The following GOLGA1 variants were observed in gnomAD, a reference collection of about 807,000 sequenced individuals.
GOLGA1 encodes golgin A1.
Under a neutral mutation model 119.7 loss-of-function variants are expected in GOLGA1, and 63 were observed. The observed-to-expected ratio is 0.53, with a 90% confidence interval of 0.43 to 0.65. The LOEUF (loss-of-function observed/expected upper bound fraction) is 0.65, where lower values mean the gene tolerates loss of function less well. Ranked by LOEUF, GOLGA1 falls within the 30% of genes least tolerant of loss-of-function variation. The pLI, the probability that GOLGA1 is intolerant of heterozygous loss-of-function variation, is 0.00. For missense variants in GOLGA1, 798 were observed against 912.8 expected (o/e 0.87, Z 1.62); for synonymous variants, 318 against 333.4 (o/e 0.95, Z 0.50).
At chr9:124,903,919 C>T (rs924183169) in intron 12 of GOLGA1, among the ~76,000 whole-genome samples, 4 of 151,532 alleles carry the variant, frequency 2.6e-5, no homozygotes, top group African/African-American at 9.7e-5. Context: ...CGTGGTGGAG[C>T]GTGCCTGTAG....
At chr9:124,890,635 C>T (rs1489973384) in intron 15 of GOLGA1, among the ~76,000 whole-genome samples, 157 bp from the exon 16 acceptor site, 2 of 152,174 alleles carry the variant, frequency 1.3e-5, no homozygotes, top group Admixed American at 1.3e-4. Flanking sequence ...CCTGCCATGC[C>T]CTCAGTATCC....
chr9:124,900,404 G>A (rs749539334), intron 13 of GOLGA1, 48 bp downstream of exon 13: 1 of 952,764 alleles, frequency 1.0e-6, no homozygotes, highest in South Asian at 1.3e-5. Flanking sequence ...AAGGCCTGGA[G>A]AGAAAGCATT....
chr9:124,947,031 GC>G (rs1197122124), intron 1 of GOLGA1: 1 of 152,028 alleles, frequency 6.6e-6, no homozygotes, highest in Non-Finnish European at 1.5e-5. Flanking sequence ...CTTAGCTAAT[GC>G]CCCCTTTTCT....
intron 15 of GOLGA1, among the ~76,000 whole-genome samples, chr9:124,896,454 AAAAT>A (rs1321143107): frequency 6.6e-6 from 1 of 152,160 alleles, no homozygotes; most frequent in African/African-American, 2.4e-5. Context: ...CTCTATCTCT[AAAAT>A]AAATCCTGAT....
rs1829582478 is a variant in GOLGA1 at position 124,881,553 on chromosome 9, G to A, written c.2136+231C>T. ...CCTCTGGCCTCAGCACCCAGGCCAG[G>A]ATTTAGAAGTGGAGCCTATGTCTCC... is the stretch of plus-strand genomic sequence containing the variant. On this transcript the variant is annotated intron_variant, in intron 21 of 22. Transcript: ENST00000373555. This position sits in a 1 kb window ranked among gnomAD's most constrained non-coding sequence, Gnocchi z 4.9. 6.6e-6 allele frequency among the ~76,000 whole-genome samples: 1 copy of A among 152,190 alleles called. No homozygotes were observed. Among genetic ancestry groups the A allele is most frequent in the Admixed American group, 6.5e-5 (1 of 15,278 alleles).
At chr9:124,900,970 ATTT>A (rs1214606701) in intron 12 of GOLGA1, among the ~76,000 whole-genome samples, 4 of 136,736 alleles carry the variant, frequency 2.9e-5, no homozygotes, top group Non-Finnish European at 3.1e-5. Context: ...TTCACACAGT[ATTT>A]TTTTTTTTTT....
At chr9:124,923,454 A>C (rs559895263) in intron 7 of GOLGA1, among the ~76,000 whole-genome samples, 1 of 152,326 alleles carries the variant, frequency 6.6e-6, no homozygotes, top group South Asian at 2.1e-4. Flanking sequence ...GGAATTCTTA[A>C]TAAAGGAAAA....
Position 124,946,799 on chromosome 9 carries a change from A to G in GOLGA1, c.-156+1119T>C, listed in dbSNP as rs1276350902. 7 of 152,216 alleles carry G rather than the reference A, an allele frequency of 4.6e-5. No individual in the cohort carries two copies. Among genetic ancestry groups the G allele is most frequent in the Admixed American group, 4.6e-4 (7 of 15,282 alleles). 9.4% of individuals were successfully genotyped at this position (152,216 alleles called of 1,614,324 possible). ...AATATATCATCAACTTGCAGAACAC[A>G]AGTGGTCTCATAGAGACACAGCAAT... On this transcript the variant is annotated intron_variant, in intron 1 of 4. Coordinates refer to the GOLGA1 transcript ENST00000421514. This position sits in a 1 kb window ranked among gnomAD's most constrained non-coding sequence, Gnocchi z 4.0.
intron 20 of GOLGA1, among the ~76,000 whole-genome samples, chr9:124,882,228 T>A (rs1458994624): frequency 1.3e-5 from 2 of 151,972 alleles, no homozygotes; most frequent in Admixed American, 1.3e-4. Context: ...ACACACACAC[T>A]GTTAGAGCAT....
At chr9:124,925,508 G>A (rs1449405551) in intron 7 of GOLGA1, among the ~76,000 whole-genome samples, 2 of 151,814 alleles carry the variant, frequency 1.3e-5, no homozygotes, top group Non-Finnish European at 2.9e-5. Context: ...TTTGGTCTAG[G>A]AGTTCAAAAC....
chr9:124,916,904 G>GAAAAAAAAAAA (rs1830459942), intron 10 of GOLGA1, among the ~76,000 whole-genome samples: 1 of 99,756 alleles, frequency 1.0e-5, no homozygotes, highest in Non-Finnish European at 2.1e-5. Flanking sequence ...AAAAAAAAAC[G>GAAAAAAAAAAA]AAAACAAAAA....
At chr9:124,921,295 A>G (rs1322111284) in intron 9 of GOLGA1, 55 bp from the exon 10 acceptor site, 5 of 953,598 alleles carry the variant, frequency 5.2e-6, no homozygotes, top group Non-Finnish European at 8.5e-6. Flanking sequence ...TCTAATATAC[A>G]GTCTTCTGCA....
intron 2 of GOLGA1, among the ~76,000 whole-genome samples, chr9:124,939,830 G>A (rs1055554858): frequency 2.0e-5 from 3 of 152,042 alleles, no homozygotes; most frequent in Non-Finnish European, 2.9e-5. Context: ...CCAAAGTGCT[G>A]GGATTACAGG....
intron 6 of GOLGA1, among the ~76,000 whole-genome samples, chr9:124,927,133 G>A (rs902543594): frequency 8.5e-5 from 13 of 152,104 alleles, no homozygotes; most frequent in African/African-American, 3.1e-4. Context: ...TTCTGGAAAT[G>A]ATGTTTAGAA....
chr9:124,941,472 C>T (rs1407527222), upstream of GOLGA1, among the ~76,000 whole-genome samples: 1 of 152,202 alleles, frequency 6.6e-6, no homozygotes, highest in South Asian at 2.1e-4. Context: ...CGCCCCCCCG[C>T]GCCGCCCGGT....
At chr9:124,915,695 A>G (rs867998834) in intron 10 of GOLGA1, among the ~76,000 whole-genome samples, 1 of 152,156 alleles carries the variant, frequency 6.6e-6, no homozygotes, top group African/African-American at 2.4e-5. Flanking sequence ...ACAAAAGTAA[A>G]AAAATTGAAA....
chr9:124,921,319 T>C (rs887066159), intron 9 of GOLGA1, 79 bp from the exon 10 acceptor site: 5 of 847,038 alleles, frequency 5.9e-6, no homozygotes, highest in African/African-American at 5.0e-5. Flanking sequence ...AAAATACAAA[T>C]GGTTTCTTCT....
rs1342050684 is a variant in GOLGA1 at position 124,931,353 on chromosome 9, C to T, written c.189G>A (p.Arg63=). 2 of 1,596,522 alleles carry T rather than the reference C, an allele frequency of 1.3e-6. No homozygotes were observed. The highest frequency in any genetic ancestry group is 2.2e-5 in the East Asian group (1 of 44,768). Residue 63 remains arginine (R), a synonymous_variant, in exon 4 of 23, where the codon AGG becomes AGA. Coordinates refer to ENST00000373555, the MANE Select transcript of GOLGA1 (RefSeq NM_002077.4). ...CCTCTAACTTCCGTATCTGTTCATT[C>T]CTTCTCAGAAGCTGGGATGAAAGAT... ...REDLSSQLLR[R]NEQIRKLEAR...
rs1829519172 is a variant in GOLGA1, at chr9:124,879,365, T to TAGTAA, written c.*1164_*1165insTTACT. On this transcript the variant is annotated 3_prime_UTR_variant, in exon 23 of 23. Transcript: ENST00000373555. ...AAGTTTTTGTTGGTTACTACCAGAGTCATGTGCATGCTACAAGTGCTGCAG... is the reference window on the plus strand; with the variant it reads ...AAGTTTTTGTTGGTTACTACCAGAGTAGTAACATGTGCATGCTACAAGTGCTGCAG... 1 of 151,766 alleles carries TAGTAA rather than the reference T, an allele frequency of 6.6e-6. No individual in the cohort carries two copies. Among genetic ancestry groups the TAGTAA allele is most frequent in the Non-Finnish European group, 1.5e-5 (1 of 67,948 alleles). The allele number at this position is 151,766 out of a possible 1,614,324, so 9.4% of individuals were successfully genotyped here.
Sources: allele counts gnomAD v4.1 joint callset (sites outside exome capture counted in the v4.1 genomes callset), GRCh38; gene constraint gnomAD v4.1.1; non-coding constraint Gnocchi (gnomAD v3.1); transcripts MANE v1.5; gene names NCBI Gene and HGNC (gene_info 2026-07-23, HGNC 2026-07-21).